The following ZNF490 variants were observed in gnomAD, a reference collection of about 807,000 sequenced individuals.
ZNF490 encodes the protein zinc finger protein 490.
A neutral mutation model predicts 17.7 loss-of-function variants in ZNF490; 11 were observed. The observed-to-expected ratio is 0.62, with a 90% CI of 0.39 to 1.03. The LOEUF is 1.03. Ranked by LOEUF, ZNF490 falls within the 50% of genes least tolerant of loss-of-function variation. The pLI, the probability that ZNF490 is intolerant of heterozygous loss-of-function variation, is 0.00. For missense variants in ZNF490, 542 were observed against 643.4 expected, an observed-to-expected ratio of 0.84 and a Z score of 1.71; for synonymous variants, 222 against 216.1, an observed-to-expected ratio of 1.03 and a Z score of -0.24.
chr19:12,597,220 C>A (rs747321882), intron 2 of ZNF490: 1 of 457,728 alleles, frequency 2.2e-6, no homozygotes, highest in Non-Finnish European at 4.4e-6. Flanking sequence ...CCCAGTGAGA[C>A]AAAGCATACG....
intron 2 of ZNF490, among the ~76,000 whole-genome samples, chr19:12,585,140 C>T (rs1390668459): frequency 1.1e-5 from 1 of 93,600 alleles, no homozygotes; most frequent in East Asian, 2.0e-4. Flanking sequence ...GAGGCTGATG[C>T]GAATTGGCTC....
chr19:12,607,637 C>T (rs1481328536), intron 2 of ZNF490, among the ~76,000 whole-genome samples: 1 of 151,902 alleles, frequency 6.6e-6, no homozygotes, highest in Non-Finnish European at 1.5e-5. Flanking sequence ...CATAGTGACT[C>T]ACACCTGTAA....
At chr19:12,597,310 C>G in intron 2 of ZNF490, 1 of 401,736 alleles carries the variant, frequency 2.5e-6, no homozygotes, top group Non-Finnish European at 5.1e-6. Flanking sequence ...GCATTCAGAG[C>G]TAGGGTGCAA....
chr19:12,589,425 G>C (rs976841867), intron 2 of ZNF490, among the ~76,000 whole-genome samples: 1 of 151,898 alleles, frequency 6.6e-6, no homozygotes, highest in African/African-American at 2.4e-5. Context: ...ATAATTAACT[G>C]AAAAATGTCT....
chr19:12,586,772 G>A lies in ZNF490; in HGVS notation c.163-3216C>T, dbSNP rs1167374308. Among the ~76,000 whole-genome samples the A allele has an allele frequency of 2.1e-5, 2 of 93,258 alleles. 1 individual carries two copies. The highest frequency in any genetic ancestry group is 5.8e-5 in the Non-Finnish European group (2 of 34,616). The allele number at this position is 93,258 out of a possible 152,430, so 61.2% of individuals were successfully genotyped here. A position where few individuals can be genotyped will look rare whatever the true frequency, so the allele number is the denominator to read the frequency against. ...ATCTCAGCTCACTGATACTGTCATA[G>A]TGGATAAAAAAGAACACCTGGCCAG... On this transcript the variant is annotated intron_variant, in intron 2 of 4. Coordinates refer to ENST00000311437, the MANE Select transcript of ZNF490 (RefSeq NM_020714.3).
At chr19:12,601,387 G>GAA (rs923396428) in intron 2 of ZNF490, among the ~76,000 whole-genome samples, 2 of 134,042 alleles carry the variant, frequency 1.5e-5, no homozygotes, top group Non-Finnish European at 1.6e-5. Context: ...GACTCCGTCT[G>GAA]AAAAAAAAAA....
At chr19:12,594,015 G>GGAGA (rs2022903187) in intron 2 of ZNF490, among the ~76,000 whole-genome samples, 1 of 152,190 alleles carries the variant, frequency 6.6e-6, no homozygotes, top group East Asian at 1.9e-4. Context: ...CCAGGGCCCA[G>GGAGA]GAGAGCCTCA....
At chr19:12,604,399 C>A (rs1042968304) in intron 2 of ZNF490, among the ~76,000 whole-genome samples, 2 of 152,094 alleles carry the variant, frequency 1.3e-5, no homozygotes, top group Admixed American at 1.3e-4. Context: ...CACCTATAAT[C>A]CCAGCACTTT....
At chr19:12,592,804 G>A (rs1599309158) in intron 2 of ZNF490, among the ~76,000 whole-genome samples, 1 of 152,168 alleles carries the variant, frequency 6.6e-6, no homozygotes. Flanking sequence ...GAGGCAGAGG[G>A]ATCAAGTGGG....
intron 2 of ZNF490, among the ~76,000 whole-genome samples, chr19:12,606,185 T>C (rs1204172310): frequency 6.6e-6 from 1 of 150,996 alleles, no homozygotes; most frequent in East Asian, 2.0e-4. Context: ...TGGCCTAAAA[T>C]AGGATTTTTT....
At chr19:12,602,127 C>CACACACACACATAT (rs35798638) in intron 2 of ZNF490, among the ~76,000 whole-genome samples, 1 of 141,898 alleles carries the variant, frequency 7.0e-6, no homozygotes, top group Non-Finnish European at 1.5e-5. Context: ...CACACACACA[C>CACACACACACATAT]ATATATGGGC....
At chr19:12,598,117 A>G (rs2022957302) in intron 2 of ZNF490, among the ~76,000 whole-genome samples, 1 of 151,656 alleles carries the variant, frequency 6.6e-6, no homozygotes, top group African/African-American at 2.4e-5. Flanking sequence ...CCAGCTACTC[A>G]GGAGGCTGAG....
chr19:12,583,027 A>G, intron 3 of ZNF490, 117 bp from the exon 4 acceptor site: 1 of 863,448 alleles, frequency 1.2e-6, no homozygotes, highest in Non-Finnish European at 1.8e-6. Flanking sequence ...TCTACTTACT[A>G]AAGTATTCTC....
At chr19:12,586,052 G>C (rs2022804614) in intron 2 of ZNF490, among the ~76,000 whole-genome samples, 1 of 92,344 alleles carries the variant, frequency 1.1e-5, no homozygotes, top group Admixed American at 1.0e-4. Flanking sequence ...TGTAATCCCA[G>C]CACTTTGGGA....
intron 2 of ZNF490, among the ~76,000 whole-genome samples, chr19:12,589,018 C>T (rs1052061517): frequency 6.6e-6 from 1 of 152,106 alleles, no homozygotes; most frequent in Non-Finnish European, 1.5e-5. Context: ...ATCTCAGTGT[C>T]TAACTTAAAA....
At chr19:12,606,343 CT>C (rs35743660) in intron 2 of ZNF490, among the ~76,000 whole-genome samples, 8,319 of 121,622 alleles carry the variant, frequency 0.068, 214 homozygotes, top group Non-Finnish European at 0.082. Context: ...CTGGGTAATT[CT>C]TTTTTTTTTT....
chr19:12,592,868 AT>A (rs1245992735), intron 2 of ZNF490, among the ~76,000 whole-genome samples: 1 of 152,256 alleles, frequency 6.6e-6, no homozygotes, highest in African/African-American at 2.4e-5. Flanking sequence ...CTCTACAAAA[AT>A]AAAGTCTACT....
At chr19:12,598,963 G>C (rs1197059070) in intron 2 of ZNF490, among the ~76,000 whole-genome samples, 1 of 150,526 alleles carries the variant, frequency 6.6e-6, no homozygotes, top group Non-Finnish European at 1.5e-5. Flanking sequence ...CTCCAGCCTG[G>C]GCAACAGAGC....
intron 2 of ZNF490, among the ~76,000 whole-genome samples, chr19:12,592,339 C>T (rs1380294704): frequency 6.6e-6 from 1 of 151,312 alleles, no homozygotes; most frequent in Non-Finnish European, 1.5e-5. Context: ...GCAGGAGGAT[C>T]ACTTGAGTCT....
Sources: allele counts gnomAD v4.1 joint callset (sites outside exome capture counted in the v4.1 genomes callset), GRCh38; gene constraint gnomAD v4.1.1; transcripts MANE v1.5; gene names NCBI Gene and HGNC (gene_info 2026-07-23, HGNC 2026-07-21).